The following TBC1D1 variants were observed in gnomAD, a reference collection of about 807,000 sequenced individuals.
The protein encoded by TBC1D1 is TBC1 domain family member 1.
A neutral mutation model predicts 125.6 loss-of-function variants in TBC1D1; 89 were observed. That is an observed-to-expected ratio of 0.71 (90% CI 0.60 to 0.85). TBC1D1 has a LOEUF of 0.85. TBC1D1 is among the 40% of genes least tolerant of loss of function. The probability of loss-of-function intolerance (pLI) is 0.00; values close to 1 mark genes in which losing one functional copy is unlikely to be tolerated. For synonymous variants in TBC1D1, 565 were observed against 564.1 expected (o/e 1.00, Z -0.02); for missense variants, 1,377 against 1,469.2 (o/e 0.94, Z 1.03).
intron 15 of TBC1D1, chr4:38,110,854 G>A (rs1454220006): frequency 1.0e-6 from 1 of 978,002 alleles, no homozygotes; most frequent in Admixed American, 6.2e-5. Flanking sequence ...TCCCTGAGCT[G>A]GTGTCTTCCC....
chr4:38,109,196 G>T (rs1369717407), intron 15 of TBC1D1, among the ~76,000 whole-genome samples: 2 of 152,230 alleles, frequency 1.3e-5, no homozygotes, highest in African/African-American at 2.4e-5. Flanking sequence ...GGACGTTGCT[G>T]TATGGAGGTC....
At chr4:38,025,487 A>G (rs1744893515) in intron 6 of TBC1D1, among the ~76,000 whole-genome samples, 1 of 152,238 alleles carries the variant, frequency 6.6e-6, no homozygotes, top group Non-Finnish European at 1.5e-5. Context: ...TGAATTAGGC[A>G]TCCTGCAGAC....
intron 10 of TBC1D1, 82 bp from the exon 11 acceptor site, chr4:38,049,536 G>C: frequency 6.8e-7 from 1 of 1,480,820 alleles, no homozygotes; most frequent in Non-Finnish European, 9.1e-7. Flanking sequence ...ATACTGCAAT[G>C]TTTGCCCGTG....
intron 12 of TBC1D1, among the ~76,000 whole-genome samples, chr4:38,072,311 C>T (rs1217657302): frequency 2.0e-5 from 3 of 152,196 alleles, no homozygotes; most frequent in Non-Finnish European, 4.4e-5. Context: ...CGCAGAGCTT[C>T]GTTTACATCA....
intron 2 of TBC1D1, among the ~76,000 whole-genome samples, chr4:37,931,535 T>C (rs562174368): frequency 2.9e-4 from 44 of 152,238 alleles, no homozygotes; most frequent in Middle Eastern, 6.8e-3. Context: ...TAGAGTACAG[T>C]GGTGCGATCT....
At chr4:37,944,072 A>G (rs1402447783) in intron 2 of TBC1D1, among the ~76,000 whole-genome samples, 1 of 152,232 alleles carries the variant, frequency 6.6e-6, no homozygotes, top group East Asian at 1.9e-4. Context: ...CCTCAGCTGC[A>G]GGTCTGTTGG....
chr4:38,063,311 T>C (rs1753097305), intron 12 of TBC1D1, among the ~76,000 whole-genome samples: 2 of 152,224 alleles, frequency 1.3e-5, no homozygotes, highest in Middle Eastern at 3.4e-3. Flanking sequence ...GACCCTGAAC[T>C]TCCAGGACCT....
chr4:38,007,754 G>A (rs968135008), intron 2 of TBC1D1, among the ~76,000 whole-genome samples: 2 of 152,166 alleles, frequency 1.3e-5, no homozygotes, highest in Non-Finnish European at 2.9e-5. Flanking sequence ...AAGCATGGTA[G>A]GGATCTGTGC....
chr4:37,901,959 C>A, intron 1 of TBC1D1, 44 bp from the exon 2 acceptor site: 2 of 857,472 alleles, frequency 2.3e-6, no homozygotes, highest in Non-Finnish European at 3.6e-6. Context: ...GTAGCTATTG[C>A]TATGACTTCA....
intron 12 of TBC1D1, among the ~76,000 whole-genome samples, chr4:38,062,099 A>C (rs886171320): frequency 1.3e-5 from 2 of 151,946 alleles, no homozygotes; most frequent in African/African-American, 4.8e-5. Flanking sequence ...TCTGGGCCTG[A>C]ATTCTTTCTT....
intron 8 of TBC1D1, among the ~76,000 whole-genome samples, chr4:38,037,920 C>T (rs934417814): frequency 6.6e-6 from 1 of 152,262 alleles, no homozygotes; most frequent in African/African-American, 2.4e-5. Context: ...GAGGCTGTCA[C>T]GTTTTAGTCA....
chr4:38,070,044 G>A (rs1036422324), intron 12 of TBC1D1, among the ~76,000 whole-genome samples: 4 of 152,032 alleles, frequency 2.6e-5, no homozygotes, highest in African/African-American at 9.7e-5. Flanking sequence ...GAGGGGGAGG[G>A]CATAGCCTCC....
intron 2 of TBC1D1, 77 bp downstream of exon 2, chr4:37,902,589 T>A: frequency 8.6e-7 from 1 of 1,165,462 alleles, no homozygotes; most frequent in Non-Finnish European, 1.2e-6. Context: ...ATATTTATTT[T>A]AAGTATACTG....
At chr4:38,096,807 A>T (rs960689259) in intron 14 of TBC1D1, among the ~76,000 whole-genome samples, 29 of 152,142 alleles carry the variant, frequency 1.9e-4, no homozygotes, top group Admixed American at 5.2e-4. Flanking sequence ...GTTTTTTTTT[A>T]AATTTTGTTT....
intron 1 of TBC1D1, among the ~76,000 whole-genome samples, chr4:37,893,119 C>T (rs1284366953): frequency 6.6e-6 from 1 of 152,162 alleles, no homozygotes. Context: ...GTGCCTGGAG[C>T]AGGCACCACA....
chr4:37,985,624 C>CA (rs1380443230), intron 2 of TBC1D1, among the ~76,000 whole-genome samples: 1 of 152,064 alleles, frequency 6.6e-6, no homozygotes, highest in Non-Finnish European at 1.5e-5. Flanking sequence ...CCATTAATGT[C>CA]AAAATCTGCT....
intron 7 of TBC1D1, among the ~76,000 whole-genome samples, chr4:38,031,478 G>C (rs892826371): frequency 6.6e-6 from 1 of 152,172 alleles, no homozygotes; most frequent in Non-Finnish European, 1.5e-5. Context: ...ATGTTAGACT[G>C]TAGTGTCCAA....
intron 2 of TBC1D1, among the ~76,000 whole-genome samples, chr4:37,925,685 A>T (rs1721948966): frequency 6.7e-6 from 1 of 149,802 alleles, no homozygotes; most frequent in Non-Finnish European, 1.5e-5. Context: ...CCATCTCAAA[A>T]AAAAAAAAAA....
chr4:38,054,142 A>C, intron 11 of TBC1D1, 57 bp from the exon 14 acceptor site: 1 of 1,568,846 alleles, frequency 6.4e-7, no homozygotes, highest in Non-Finnish European at 8.7e-7. Flanking sequence ...TGTTAAGCTA[A>C]CAAAATCCCG....
Sources: allele counts gnomAD v4.1 joint callset (sites outside exome capture counted in the v4.1 genomes callset), GRCh38; gene constraint gnomAD v4.1.1; transcripts MANE v1.5; gene names NCBI Gene and HGNC (gene_info 2026-07-23, HGNC 2026-07-21).